The following NR2C2 variants were observed in gnomAD, a reference collection of about 807,000 sequenced individuals.
NR2C2 encodes the protein Nuclear hormone receptor TR4.
Under a neutral mutation model 62.9 loss-of-function variants are expected in NR2C2, and 6 were observed. The ratio of observed to expected loss-of-function variants is 0.10; its 90% CI spans 0.05 to 0.19. The LOEUF is 0.19. Ranked by LOEUF, NR2C2 falls within the 10% of genes least tolerant of loss-of-function variation. The pLI, the probability that NR2C2 is intolerant of heterozygous loss-of-function variation, is 1.00. For missense variants in NR2C2, 479 were observed against 762.7 expected (o/e 0.63, Z 4.38); for synonymous variants, 272 against 273.8 (o/e 0.99, Z 0.07).
chr3:14,993,306 T>C (rs1030198379), intron 1 of NR2C2, among the ~76,000 whole-genome samples: 6 of 151,736 alleles, frequency 4.0e-5, no homozygotes, highest in African/African-American at 1.5e-4. Flanking sequence ...ATACAAAAAT[T>C]AGCCGGGCAT....
At chr3:14,967,016 G>A (rs2039876920) in intron 1 of NR2C2, among the ~76,000 whole-genome samples, 1 of 152,112 alleles carries the variant, frequency 6.6e-6, no homozygotes, top group African/African-American at 2.4e-5. Flanking sequence ...GGTAATTTTT[G>A]GATTACTAAT....
chr3:15,011,491 T>C (rs753526463), intron 2 of NR2C2, among the ~76,000 whole-genome samples: 7 of 152,196 alleles, frequency 4.6e-5, no homozygotes, highest in Non-Finnish European at 8.8e-5. Context: ...AATCTTTCAG[T>C]TGAGCTGTGG....
intron 1 of NR2C2, among the ~76,000 whole-genome samples, chr3:14,995,707 A>G (rs1196631266): frequency 7.9e-6 from 1 of 125,866 alleles, no homozygotes; most frequent in Non-Finnish European, 1.6e-5. Context: ...CTAAGAGTGG[A>G]ATTGCTGGTC....
intron 1 of NR2C2, among the ~76,000 whole-genome samples, chr3:14,953,269 A>G (rs1364667394): frequency 6.6e-6 from 1 of 152,200 alleles, no homozygotes; most frequent in Non-Finnish European, 1.5e-5. Context: ...CTATTCCATA[A>G]TTATTAACAG....
At chr3:15,004,888 TC>T (rs1482993890) in intron 2 of NR2C2, among the ~76,000 whole-genome samples, 5 of 152,180 alleles carry the variant, frequency 3.3e-5, no homozygotes, top group Non-Finnish European at 7.3e-5. Context: ...TTAACCCCTT[TC>T]TTGCTTGCTT....
intron 1 of NR2C2, among the ~76,000 whole-genome samples, chr3:14,965,281 G>T (rs541961879): frequency 1.3e-5 from 2 of 152,162 alleles, no homozygotes; most frequent in South Asian, 4.1e-4. Flanking sequence ...ACCTGAGGCT[G>T]ATTTGGAAAC....
intron 1 of NR2C2, among the ~76,000 whole-genome samples, chr3:15,003,025 A>G (rs1024941681): frequency 6.7e-6 from 1 of 149,766 alleles, no homozygotes; most frequent in Non-Finnish European, 1.5e-5. Context: ...CGCTTACTGC[A>G]GCCTCCACCT....
chr3:14,958,667 G>A (rs1574925262), intron 1 of NR2C2, among the ~76,000 whole-genome samples: 1 of 152,200 alleles, frequency 6.6e-6, no homozygotes, highest in African/African-American at 2.4e-5. Context: ...CAAAACAATA[G>A]GATTTTTTTG....
At chr3:15,021,143 T>G (rs2041657867) in intron 5 of NR2C2, among the ~76,000 whole-genome samples, 1 of 152,168 alleles carries the variant, frequency 6.6e-6, no homozygotes, top group Non-Finnish European at 1.5e-5. Context: ...GTGGAAAGCC[T>G]TATTACAGAT....
intron 1 of NR2C2, among the ~76,000 whole-genome samples, chr3:14,952,887 G>A (rs759090043): frequency 6.6e-6 from 1 of 152,114 alleles, no homozygotes; most frequent in Admixed American, 6.6e-5. Context: ...TATACCAAAA[G>A]GAAGAACTGC....
chr3:15,016,091 C>T (rs1474170978), intron 3 of NR2C2, 61 bp from the exon 4 acceptor site: 40 of 1,318,798 alleles, frequency 3.0e-5, no homozygotes, highest in Admixed American at 6.8e-5. Context: ...CGTGAGCCAC[C>T]GTGCCCGGCA....
Position 15,018,833 on chromosome 3 carries a change from A to G in NR2C2, c.377-1920A>G, listed in dbSNP as rs550465522. The stretch of plus-strand genomic sequence containing the variant: ...GGAGTTCGAGACTAGCCTGGCCAAC[A>G]TGGTAAAACCGTCTCTACTAAAAAT... On this transcript the variant is annotated intron_variant, in intron 4 of 13. Coordinates refer to ENST00000425241, the MANE Select transcript of NR2C2 (RefSeq NM_001291694.2). 1.1e-4 allele frequency among the ~76,000 whole-genome samples: 17 copies of G among 152,108 alleles called. No homozygotes were observed. The East Asian group carries it at 1.9e-3, about 17-fold the overall frequency.
chr3:14,947,846 G>A lies in NR2C2; in HGVS notation c.-100G>A, dbSNP rs1205302056. ...CTCCCCGCGCCCTGCCCTCCGCGCCGGGGGCCGCCCGCCGCAGACACGGGA... is the reference window on the plus strand; with the variant it reads ...CTCCCCGCGCCCTGCCCTCCGCGCCAGGGGCCGCCCGCCGCAGACACGGGA... On this transcript the variant is annotated 5_prime_UTR_variant, in exon 1 of 14. Transcript: ENST00000425241. 2 of 148,340 alleles carry A rather than the reference G, an allele frequency of 1.3e-5. No homozygotes were observed. The highest frequency in any genetic ancestry group is 6.7e-5 in the Admixed American group (1 of 15,010). 9.2% of individuals were successfully genotyped at this position (148,340 alleles called of 1,614,324 possible).
chr3:15,004,485 T>A lies in NR2C2; in HGVS notation c.72+499T>A, dbSNP rs189085585. On this transcript the variant is annotated intron_variant, in intron 2 of 13. Coordinates refer to ENST00000425241, the MANE Select transcript of NR2C2 (RefSeq NM_001291694.2). ...CATAATAATGTTCAATATTTACTAATTATATAATAACTTATTACTAATATT... is the reference window on the plus strand; with the variant it reads ...CATAATAATGTTCAATATTTACTAAATATATAATAACTTATTACTAATATT... 8.1e-5 allele frequency: 112 copies of A among 1,382,344 alleles called. No homozygotes were observed. In the African/African-American group the frequency reaches 1.3e-3, roughly 16 times the overall value. 85.6% of individuals were successfully genotyped at this position (1,382,344 alleles called of 1,614,324 possible).
intron 1 of NR2C2, among the ~76,000 whole-genome samples, chr3:14,991,768 C>CTTT (rs763730063): frequency 3.0e-5 from 3 of 100,464 alleles, no homozygotes; most frequent in Non-Finnish European, 4.3e-5. Flanking sequence ...TTTTCTTTTT[C>CTTT]TTTTTTTTTT....
intron 1 of NR2C2, among the ~76,000 whole-genome samples, chr3:14,951,176 A>C (rs2039345969): frequency 6.6e-6 from 1 of 152,230 alleles, no homozygotes; most frequent in South Asian, 2.1e-4. Context: ...TTTTTGTCTC[A>C]CCATCACAGG....
rs193049177 is a variant in NR2C2 at position 15,043,037 on chromosome 3, C to T, written c.*29C>T. The T allele has an allele frequency of 1.9e-6, 3 of 1,607,646 alleles. No homozygotes were observed. The African/African-American group carries it at 4.0e-5, about 21-fold the overall frequency. On this transcript the variant is annotated 3_prime_UTR_variant, in exon 14 of 14. Coordinates refer to ENST00000425241, the MANE Select transcript of NR2C2 (RefSeq NM_001291694.2). ...AAACCACACACCTGCCAAGGAGCAACAGAATCCTTCCAGGACCGTTCACAT... is the reference window on the plus strand; with the variant it reads ...AAACCACACACCTGCCAAGGAGCAATAGAATCCTTCCAGGACCGTTCACAT...
chr3:15,015,671 G>A (rs1413677664), intron 3 of NR2C2, among the ~76,000 whole-genome samples: 3 of 152,234 alleles, frequency 2.0e-5, no homozygotes, highest in African/African-American at 7.2e-5. Context: ...CAGTCCGGAT[G>A]AGTGGCAGAG....
chr3:14,966,183 T>G (rs1333063050), intron 1 of NR2C2, among the ~76,000 whole-genome samples: 1 of 152,236 alleles, frequency 6.6e-6, no homozygotes, highest in Non-Finnish European at 1.5e-5. Flanking sequence ...GATAATTGTT[T>G]ACTCAATCAG....
Sources: allele counts gnomAD v4.1 joint callset (sites outside exome capture counted in the v4.1 genomes callset), GRCh38; gene constraint gnomAD v4.1.1; transcripts MANE v1.5; gene names NCBI Gene and HGNC (gene_info 2026-07-23, HGNC 2026-07-21).